DNAJC13: variants seen among roughly 807,000 people sequenced by gnomAD.
DNAJC13 encodes dnaJ homolog subfamily C member 13.
In DNAJC13, 75 loss-of-function variants were observed where a neutral mutation model predicts 290.5. The ratio of observed to expected loss-of-function variants is 0.26; its 90% confidence interval spans 0.21 to 0.31. The LOEUF (loss-of-function observed/expected upper bound fraction) is 0.31. DNAJC13 is among the 10% of genes least tolerant of loss of function. The pLI is 1.00. For missense variants in DNAJC13, 2,260 were observed against 2,674.5 expected, an observed-to-expected ratio of 0.85 and a Z score of 3.42; for synonymous variants, 862 against 892.0, an observed-to-expected ratio of 0.97 and a Z score of 0.60.
intron 5 of DNAJC13, 56 bp downstream of exon 5, chr3:132,447,995 G>A (rs978056613): frequency 4.4e-5 from 54 of 1,230,550 alleles, no homozygotes; most frequent in Non-Finnish European, 5.9e-5. Context: ...GCCCTTTATT[G>A]TAGAAATCAT....
chr3:132,494,876 G>A (rs1935181840), intron 34 of DNAJC13, among the ~76,000 whole-genome samples: 1 of 151,804 alleles, frequency 6.6e-6, no homozygotes, highest in Non-Finnish European at 1.5e-5. Flanking sequence ...TGAAGTGAAT[G>A]GGTAGGGAAC....
At chr3:132,527,137 A>C (rs1202122995) in intron 53 of DNAJC13, among the ~76,000 whole-genome samples, 1 of 152,238 alleles carries the variant, frequency 6.6e-6, no homozygotes, top group African/African-American at 2.4e-5. Flanking sequence ...TAGATATGCT[A>C]ATTAGCTTGA....
At chr3:132,439,029 G>A (rs1353454034) in intron 2 of DNAJC13, among the ~76,000 whole-genome samples, 1 of 152,180 alleles carries the variant, frequency 6.6e-6, no homozygotes, top group Admixed American at 6.5e-5. Flanking sequence ...AAAAACTTCA[G>A]AGTGATATTC....
chr3:132,469,653 T>G (rs1934117812), intron 20 of DNAJC13, among the ~76,000 whole-genome samples: 1 of 152,222 alleles, frequency 6.6e-6, no homozygotes, highest in African/African-American at 2.4e-5. Flanking sequence ...TTAAACCAAA[T>G]TTTGAATTAT....
chr3:132,436,519 A>G (rs1939389332), intron 2 of DNAJC13, among the ~76,000 whole-genome samples: 2 of 152,158 alleles, frequency 1.3e-5, no homozygotes, highest in African/African-American at 4.8e-5. Context: ...ATGTTTCCAT[A>G]TTTCCAGTTG....
In DNAJC13 at chr3:132,460,358, G is replaced by A; in HGVS notation, c.1557+1G>A. On this transcript the variant is annotated splice_donor_variant, in intron 14 of 55. Coordinates refer to ENST00000260818, the MANE Select transcript of DNAJC13 (RefSeq NM_015268.4). LOFTEE classifies it high-confidence loss of function. ...ACTGGAGAAATTTAATTCCCATGTG[G>A]TAAGTTATAATTAAATTTGTCTTCA... The A allele has an allele frequency of 6.3e-7, 1 of 1,585,154 alleles. No homozygotes were observed. The highest frequency in any genetic ancestry group is 8.7e-7 in the Non-Finnish European group (1 of 1,155,152).
rs767381634 is a variant in DNAJC13 at position 132,461,092 on chromosome 3, T to C, written c.1600T>C (p.Phe534Leu). 1 of 1,614,130 alleles carries C rather than the reference T, an allele frequency of 6.2e-7. No individual in the cohort carries two copies. Among genetic ancestry groups the C allele is most frequent in the South Asian group, 1.1e-5 (1 of 91,086 alleles). ...GALVISSLLD[F>L]LTFALCAPYS... ...CCTAGTTATTAGTTCGCTCTTGGAC[T>C]TCCTTACCTTTGCCCTCTGTGCTCC... Residue 534 changes from phenylalanine (F) to leucine (L), a missense_variant, in exon 15 of 56, where the codon TTC (phenylalanine) becomes CTC (leucine). Physicochemically the swap from Phe to Leu is conservative, Grantham distance 22 (BLOSUM62 0). Coordinates refer to ENST00000260818, the MANE Select transcript of DNAJC13 (RefSeq NM_015268.4).
At chr3:132,426,649 C>T (rs1301153539) in intron 1 of DNAJC13, among the ~76,000 whole-genome samples, 1 of 152,128 alleles carries the variant, frequency 6.6e-6, no homozygotes. Context: ...AGAAATTTTA[C>T]AGATTTTTTT....
intron 5 of DNAJC13, among the ~76,000 whole-genome samples, chr3:132,449,344 T>A (rs781734669): frequency 9.2e-5 from 14 of 152,146 alleles, no homozygotes; most frequent in Non-Finnish European, 1.8e-4. Context: ...GGCAGTTGTT[T>A]ATGAGCTGGG....
In DNAJC13 at chr3:132,502,444, G is replaced by T; in HGVS notation, c.4692G>T (p.Gln1564His). The part of the protein sequence containing the change: ...YDYTLEESGI[Q>H]KSEETNQQEV... ...ACACACTAGAAGAGAGTGGCATTCA[G>T]AAAAGTGAAGAAACAAACCAGCAGG... Residue 1564 changes from glutamine (Q) to histidine (H), a missense_variant, in exon 40 of 56, where the codon CAG (glutamine) becomes CAT (histidine). Physicochemically the swap from Gln to His is conservative, Grantham distance 24 (BLOSUM62 0). Coordinates refer to ENST00000260818, the MANE Select transcript of DNAJC13 (RefSeq NM_015268.4). The T allele has an allele frequency of 3.7e-5, 59 of 1,608,620 alleles. No individual in the cohort carries two copies. The highest frequency in any genetic ancestry group is 4.8e-5 in the Non-Finnish European group (57 of 1,177,828).
Position 132,503,242 on chromosome 3 carries a change from G to A in DNAJC13, c.4745G>A (p.Ser1582Asn). 2.5e-6 allele frequency: 4 copies of A among 1,613,924 alleles called. No homozygotes were observed. The highest frequency in any genetic ancestry group is 3.4e-6 in the Non-Finnish European group (4 of 1,179,904). Reference protein sequence around the residue: ...QEVANSLAKLSVHALSRLGGY... With the variant: ...QEVANSLAKLNVHALSRLGGY... ...GTAGCAAACAGCCTTGCCAAACTGAGTGTCCATGCTCTGAGTCGCCTTGGA... is the reference window on the plus strand; with the variant it reads ...GTAGCAAACAGCCTTGCCAAACTGAATGTCCATGCTCTGAGTCGCCTTGGA... Residue 1582 changes from serine (S) to asparagine (N), a missense_variant, in exon 41 of 56, where the codon AGT (serine) becomes AAT (asparagine). Physicochemically the swap from Ser to Asn is conservative, Grantham distance 46. Around this residue, in one of 3 missense-constraint regions of DNAJC13, gnomAD observed 1,494 missense variants for 1,693.7 expected, o/e 0.88. Transcript: ENST00000260818.
intron 15 of DNAJC13, 133 bp downstream of exon 15, chr3:132,461,338 C>T (rs1382135954): frequency 3.4e-6 from 3 of 890,406 alleles, no homozygotes; most frequent in Non-Finnish European, 3.5e-6. Context: ...CTGGGCCACA[C>T]TGAAAGAAGA....
chr3:132,524,678 A>G (rs1936196748), intron 51 of DNAJC13, among the ~76,000 whole-genome samples: 2 of 152,242 alleles, frequency 1.3e-5, no homozygotes, highest in South Asian at 4.1e-4. Context: ...TAGGATTTCT[A>G]CTACATACAT....
intron 48 of DNAJC13, among the ~76,000 whole-genome samples, chr3:132,517,588 A>G (rs529319654): frequency 9.9e-5 from 15 of 152,234 alleles, no homozygotes; most frequent in Admixed American, 7.9e-4. Context: ...CTCCATTCTT[A>G]ACATGCTTCC....
In DNAJC13 at chr3:132,500,818, T is replaced by C. The variant is rs757614439; in HGVS notation, c.4441T>C (p.Tyr1481His). 8.7e-6 allele frequency: 14 copies of C among 1,613,950 alleles called. No homozygotes were observed. The highest frequency in any genetic ancestry group is 1.2e-5 in the Non-Finnish European group (14 of 1,179,956). The change falls in exon 39 of 56, where the codon TAC (tyrosine) becomes CAC (histidine). Residue 1481 changes from tyrosine to histidine, a missense_variant. Physicochemically the swap from Tyr to His is moderately conservative, Grantham distance 83. Around this residue, in one of 3 missense-constraint regions of DNAJC13, gnomAD observed 1,494 missense variants for 1,693.7 expected, o/e 0.88. Transcript: ENST00000260818. Reference protein sequence around the residue: ...VQVCGYISKCYSVAAQFEECR... With the variant: ...VQVCGYISKCHSVAAQFEECR... Reference sequence around the variant, plus strand: ...GGTGTGTGGATACATAAGTAAATGCTACAGTGTGGCTGCTCAGTTTGAGGA... The same window carrying C: ...GGTGTGTGGATACATAAGTAAATGCCACAGTGTGGCTGCTCAGTTTGAGGA...
intron 20 of DNAJC13, among the ~76,000 whole-genome samples, chr3:132,472,781 T>G (rs983103706): frequency 2.0e-5 from 3 of 152,240 alleles, no homozygotes; most frequent in African/African-American, 7.2e-5. Flanking sequence ...TTGCATTTAT[T>G]GTTGTCCCAA....
In DNAJC13 at chr3:132,484,599, A is replaced by G. The variant is rs1323982750; in HGVS notation, c.3194A>G (p.Asn1065Ser). Reference sequence around the variant, plus strand: ...AAAATGTTTTCTAGGGATCAAGACAATGCCATCATTCGGCCTCTACCCAAA... The same window carrying G: ...AAAATGTTTTCTAGGGATCAAGACAGTGCCATCATTCGGCCTCTACCCAAA... ...CGYFPSRDQDNAIIRPLPKVK... is the reference protein window; with the variant it reads ...CGYFPSRDQDSAIIRPLPKVK... The change falls in exon 29 of 56, where the codon AAT becomes AGT. Residue 1065 changes from asparagine to serine, a missense_variant. Asn to Ser is a conservative substitution (Grantham distance 46). Coordinates refer to ENST00000260818, the MANE Select transcript of DNAJC13 (RefSeq NM_015268.4). 19 of 1,613,962 alleles carry G rather than the reference A, an allele frequency of 1.2e-5. No individual in the cohort carries two copies. Among genetic ancestry groups the G allele is most frequent in the East Asian group, 2.2e-5 (1 of 44,884 alleles).
intron 6 of DNAJC13, 119 bp from the exon 7 acceptor site, chr3:132,453,178 TA>T: frequency 1.2e-6 from 1 of 828,190 alleles, no homozygotes; most frequent in Non-Finnish European, 1.8e-6. Context: ...TATTTGCCTC[TA>T]ATACCTACCT....
At chr3:132,437,552 A>G (rs1189904215) in intron 2 of DNAJC13, among the ~76,000 whole-genome samples, 1 of 152,196 alleles carries the variant, frequency 6.6e-6, no homozygotes, top group Non-Finnish European at 1.5e-5. Flanking sequence ...TTGTGCCAGC[A>G]TCATTTGTTG....
Sources: allele counts gnomAD v4.1 joint callset (sites outside exome capture counted in the v4.1 genomes callset), GRCh38; gene constraint gnomAD v4.1.1; regional missense constraint gnomAD v4.1.1; transcripts MANE v1.5; gene names NCBI Gene and HGNC (gene_info 2026-07-23, HGNC 2026-07-21).